Variants in NELL2 observed in about 807,000 individuals in gnomAD.
NELL2 encodes protein kinase C-binding protein NELL2.
Under a neutral mutation model 109.6 loss-of-function variants are expected in NELL2, and 41 were observed. The observed-to-expected ratio is 0.37, with a 90% CI of 0.29 to 0.49. The LOEUF (loss-of-function observed/expected upper bound fraction) is 0.49, where lower values mean the gene tolerates loss of function less well. NELL2 is among the 20% of genes least tolerant of loss of function. The pLI, the probability that NELL2 is intolerant of heterozygous loss-of-function variation, is 0.98. For missense variants in NELL2, 900 were observed against 1,008.3 expected, an observed-to-expected ratio of 0.89 and a Z score of 1.45; for synonymous variants, 355 against 344.7, an observed-to-expected ratio of 1.03 and a Z score of -0.33.
chr12:44,557,518 G>A (rs566777285), intron 15 of NELL2, among the ~76,000 whole-genome samples: 63 of 152,238 alleles, frequency 4.1e-4, no homozygotes, highest in African/African-American at 1.5e-3. Context: ...CAGAGGTACT[G>A]AAGAGGTGGA....
chr12:44,523,657 A>G (rs1941640131), intron 16 of NELL2, 173 bp from the exon 17 acceptor site: 1 of 594,546 alleles, frequency 1.7e-6, no homozygotes, highest in African/African-American at 1.9e-5. Context: ...TGATCTGGGG[A>G]TTTCACAGGA....
intron 1 of NELL2, among the ~76,000 whole-genome samples, chr12:44,898,217 G>A (rs1459471510): frequency 6.6e-6 from 1 of 151,714 alleles, no homozygotes; most frequent in Non-Finnish European, 1.5e-5. Flanking sequence ...TGCTGGCTCT[G>A]AAGAGAGCAG....
Position 44,683,888 on chromosome 12 carries a change from G to A in NELL2, c.1319-18279C>T, listed in dbSNP as rs191418531. ...ATATTGGTGTAAAATTCTCTTTTTT[G>A]GTTGTGTCTCTGCCAGGCTTTGGTA... is the stretch of plus-strand genomic sequence containing the variant. On this transcript the variant is annotated intron_variant, in intron 12 of 19. Coordinates refer to ENST00000429094, the MANE Select transcript of NELL2 (RefSeq NM_001145108.2). Among the ~76,000 whole-genome samples the A allele has an allele frequency of 5.3e-5, 8 of 152,120 alleles. No homozygotes were observed. The East Asian group carries it at 1.5e-3, about 29-fold the overall frequency.
chr12:44,529,795 AGACTAAAGTGTCACTG>A (rs1293997355), intron 16 of NELL2, among the ~76,000 whole-genome samples: 1 of 152,232 alleles, frequency 6.6e-6, no homozygotes, highest in Non-Finnish European at 1.5e-5. Flanking sequence ...TGGAGCAGTG[AGACTAAAGTGTCACTG>A]GAAGGAAGAA....
intron 9 of NELL2, among the ~76,000 whole-genome samples, chr12:44,771,704 A>T (rs1941557789): frequency 6.6e-6 from 1 of 152,268 alleles, no homozygotes; most frequent in Non-Finnish European, 1.5e-5. Context: ...ATTCAACTAA[A>T]GAAAAGGCTT....
At chr12:44,883,516 G>T (rs1235511034) in intron 1 of NELL2, among the ~76,000 whole-genome samples, 1 of 152,026 alleles carries the variant, frequency 6.6e-6, no homozygotes, top group South Asian at 2.1e-4. Context: ...AAGTCTCTTT[G>T]CTATGTAAAG....
At chr12:44,631,950 C>T (rs932969462) in intron 13 of NELL2, among the ~76,000 whole-genome samples, 4 of 152,048 alleles carry the variant, frequency 2.6e-5, no homozygotes, top group Middle Eastern at 3.4e-3. Flanking sequence ...TCAAATTTAA[C>T]GGTATATAAA....
chr12:44,687,147 G>C (rs113262601), intron 12 of NELL2, among the ~76,000 whole-genome samples: 3 of 152,186 alleles, frequency 2.0e-5, no homozygotes, highest in Non-Finnish European at 2.9e-5. Context: ...CGCAGTATTC[G>C]GGTGGGAGTG....
At chr12:44,722,501 G>C (rs1938834244) in intron 9 of NELL2, among the ~76,000 whole-genome samples, 1 of 152,134 alleles carries the variant, frequency 6.6e-6, no homozygotes. Flanking sequence ...CACTGTAGTA[G>C]AAAGTCATCT....
At chr12:44,635,199 T>G (rs1432688181) in intron 13 of NELL2, among the ~76,000 whole-genome samples, 1 of 152,182 alleles carries the variant, frequency 6.6e-6, no homozygotes, top group Non-Finnish European at 1.5e-5. Flanking sequence ...GTCAGTTGGA[T>G]AGATTGCAAA....
intron 13 of NELL2, among the ~76,000 whole-genome samples, chr12:44,641,829 T>C (rs138640950): frequency 0.02 from 3,110 of 151,818 alleles, 102 homozygotes; most frequent in African/African-American, 0.071. Flanking sequence ...CCCAAGTAGC[T>C]GGGACTACAG....
intron 3 of NELL2, among the ~76,000 whole-genome samples, chr12:44,784,267 T>C (rs1466452732): frequency 6.6e-6 from 1 of 151,930 alleles, no homozygotes; most frequent in Non-Finnish European, 1.5e-5. Context: ...AAACCTCTCG[T>C]TCCCACCATT....
chr12:44,831,061 A>T (rs1029708952), intron 2 of NELL2, among the ~76,000 whole-genome samples: 6 of 151,630 alleles, frequency 4.0e-5, no homozygotes, highest in African/African-American at 1.5e-4. Flanking sequence ...ACAACCCACC[A>T]CCAGCCCCAT....
chr12:44,689,217 T>C (rs1246790277), intron 12 of NELL2, among the ~76,000 whole-genome samples: 3 of 152,326 alleles, frequency 2.0e-5, no homozygotes, highest in Non-Finnish European at 4.4e-5. Flanking sequence ...ACTCTGAGTC[T>C]CTGCCAAAGC....
chr12:44,746,464 C>A (rs1281856432), intron 9 of NELL2, among the ~76,000 whole-genome samples: 21 of 152,110 alleles, frequency 1.4e-4, no homozygotes, highest in South Asian at 2.1e-4. Context: ...TAATTCAACT[C>A]AAGAGCTTCT....
chr12:44,754,752 A>T (rs1940809060), intron 9 of NELL2, among the ~76,000 whole-genome samples: 1 of 152,254 alleles, frequency 6.6e-6, no homozygotes, highest in African/African-American at 2.4e-5. Context: ...AAACAAGTTG[A>T]CCAAAATCAA....
intron 19 of NELL2, among the ~76,000 whole-genome samples, chr12:44,512,202 C>T (rs1438641142): frequency 6.6e-6 from 1 of 152,054 alleles, no homozygotes; most frequent in African/African-American, 2.4e-5. Flanking sequence ...AGAAGTCATA[C>T]AAATGACCAA....
chr12:44,887,865 T>C (rs1945492265), intron 1 of NELL2, among the ~76,000 whole-genome samples: 1 of 152,076 alleles, frequency 6.6e-6, no homozygotes, highest in Non-Finnish European at 1.5e-5. Context: ...AATTTTGCTT[T>C]GGTTCTCTGT....
chr12:44,763,938 A>G (rs1268769115), intron 9 of NELL2, among the ~76,000 whole-genome samples: 3 of 152,184 alleles, frequency 2.0e-5, no homozygotes, highest in African/African-American at 7.2e-5. Context: ...GAACAGTTTA[A>G]TTTTGCATTG....
Sources: gnomAD v4.1 joint callset for allele counts (sites outside exome capture counted in the v4.1 genomes callset) on GRCh38, gnomAD v4.1.1 for gene constraint, MANE v1.5 for transcripts, NCBI Gene and HGNC (gene_info 2026-07-23, HGNC 2026-07-21) for gene names.